The following MAP4K3 variants were observed in gnomAD, a reference collection of about 807,000 sequenced individuals.
MAP4K3 encodes mitogen-activated protein kinase kinase kinase kinase 3.
In MAP4K3, 94 loss-of-function variants were observed where a neutral mutation model predicts 143.5. That is an observed-to-expected ratio of 0.65 (90% CI 0.55 to 0.78). MAP4K3 has a LOEUF of 0.78. Ranked by LOEUF, MAP4K3 falls within the 30% of genes least tolerant of loss-of-function variation. MAP4K3 has a pLI of 0.00. For synonymous variants in MAP4K3, 416 were observed against 347.2 expected, an observed-to-expected ratio of 1.20 and a Z score of -2.20; for missense variants, 1,077 against 1,068.1, an observed-to-expected ratio of 1.01 and a Z score of -0.12.
intron 1 of MAP4K3, among the ~76,000 whole-genome samples, chr2:39,392,053 C>T (rs955667241): frequency 4.6e-5 from 7 of 151,670 alleles, no homozygotes; most frequent in Admixed American, 1.3e-4. Context: ...TGGTAGGTAG[C>T]GCGCGCCTGT....
chr2:39,360,643 TCA>T (rs1665741161), intron 2 of MAP4K3, among the ~76,000 whole-genome samples: 2 of 152,172 alleles, frequency 1.3e-5, no homozygotes, highest in Admixed American at 1.3e-4. Context: ...TTTAACTGAC[TCA>T]CAGTGTGGCA....
intron 1 of MAP4K3, among the ~76,000 whole-genome samples, chr2:39,406,261 C>T (rs1023228196): frequency 5.3e-5 from 8 of 151,932 alleles, no homozygotes; most frequent in Non-Finnish European, 1.2e-4. Context: ...AGGACAAATC[C>T]AAGACTTATT....
intron 12 of MAP4K3, 128 bp from the exon 13 acceptor site, chr2:39,315,516 A>G (rs530455055): frequency 6.2e-6 from 3 of 483,598 alleles, no homozygotes; most frequent in East Asian, 3.4e-5. Context: ...GCACTTTGCA[A>G]ATTTTTTTTT....
At chr2:39,431,759 C>T (rs985039774) in intron 1 of MAP4K3, among the ~76,000 whole-genome samples, 7 of 152,196 alleles carry the variant, frequency 4.6e-5, no homozygotes, top group African/African-American at 7.2e-5. Context: ...CAGCAATTAA[C>T]AATGACCACA....
intron 29 of MAP4K3, among the ~76,000 whole-genome samples, chr2:39,258,923 G>A (rs748230738): frequency 2.0e-5 from 3 of 152,098 alleles, no homozygotes; most frequent in Non-Finnish European, 4.4e-5. Context: ...CTATTAGTGG[G>A]AGATTTGTAA....
intron 3 of MAP4K3, among the ~76,000 whole-genome samples, chr2:39,350,457 G>T (rs1055672796): frequency 1.3e-5 from 2 of 152,178 alleles, no homozygotes; most frequent in African/African-American, 4.8e-5. Context: ...TCCTAAACTA[G>T]AAAGTTCCCT....
intron 1 of MAP4K3, among the ~76,000 whole-genome samples, chr2:39,395,592 G>A (rs991044985): frequency 7.9e-5 from 12 of 151,944 alleles, no homozygotes; most frequent in Admixed American, 7.9e-4. Context: ...TGTTCTTTTG[G>A]GATGAATGTA....
intron 20 of MAP4K3, among the ~76,000 whole-genome samples, chr2:39,287,541 G>A (rs1681849025): frequency 6.6e-6 from 1 of 152,050 alleles, no homozygotes; most frequent in Non-Finnish European, 1.5e-5. Flanking sequence ...GACCTCAGGT[G>A]ATCCACCTGC....
chr2:39,371,146 C>T (rs138763510), intron 2 of MAP4K3, among the ~76,000 whole-genome samples: 5 of 152,132 alleles, frequency 3.3e-5, no homozygotes, highest in East Asian at 3.9e-4. Flanking sequence ...GAAAACTACA[C>T]GCCAGAGAAA....
rs369457125 is a variant in MAP4K3 at position 39,288,095 on chromosome 2, T to C, written c.1474+26A>G. 6.8e-6 allele frequency: 11 copies of C among 1,612,196 alleles called. No homozygotes were observed. The African/African-American group carries it at 1.5e-4, about 22-fold the overall frequency. On this transcript the variant is annotated intron_variant, in intron 20 of 33. Transcript: ENST00000263881. The stretch of plus-strand genomic sequence containing the variant: ...CCCATAGTATGAAAACCTGGTAACA[T>C]ATTTGCTGTCACCCTCCACCATTAC...
chr2:39,356,020 G>C (rs1665601710), intron 3 of MAP4K3: 1 of 411,552 alleles, frequency 2.4e-6, no homozygotes, highest in Non-Finnish European at 4.3e-6. Flanking sequence ...GTTTTTACTT[G>C]CCAGCATTTT....
intron 21 of MAP4K3, among the ~76,000 whole-genome samples, chr2:39,284,877 A>T (rs1185764172): frequency 6.6e-6 from 1 of 151,332 alleles, no homozygotes; most frequent in East Asian, 1.9e-4. Flanking sequence ...AATAAAATAA[A>T]TTTATTATTT....
chr2:39,251,689 ACCT>A, intron 33 of MAP4K3, 138 bp downstream of exon 33: 1 of 658,428 alleles, frequency 1.5e-6, no homozygotes, highest in Non-Finnish European at 2.6e-6. Flanking sequence ...TAACTTTCTG[ACCT>A]GTGAATTCTT....
At chr2:39,351,999 G>C (rs57765159) in intron 3 of MAP4K3, among the ~76,000 whole-genome samples, 2,344 of 152,304 alleles carry the variant, frequency 0.015, 60 homozygotes, top group African/African-American at 0.053. Context: ...ATTCTAAATA[G>C]TTTTTACTGT....
chr2:39,301,396 G>C (rs536076299), intron 15 of MAP4K3, among the ~76,000 whole-genome samples: 1 of 152,318 alleles, frequency 6.6e-6, no homozygotes. Context: ...CACAGTTTAA[G>C]TGGTCATGAC....
At chr2:39,257,425 G>A (rs929088437) in intron 31 of MAP4K3, among the ~76,000 whole-genome samples, 25 of 152,148 alleles carry the variant, frequency 1.6e-4, no homozygotes, top group African/African-American at 6.0e-4. Flanking sequence ...GGTATACTGA[G>A]TACTAAATTT....
intron 1 of MAP4K3, among the ~76,000 whole-genome samples, chr2:39,432,672 T>A (rs1347968487): frequency 1.3e-5 from 2 of 152,222 alleles, no homozygotes; most frequent in African/African-American, 4.8e-5. Context: ...GAAGAATTAG[T>A]CTATGATGAT....
chr2:39,337,766 T>TG (rs1024400671), intron 4 of MAP4K3, among the ~76,000 whole-genome samples, 185 bp from the exon 5 acceptor site: 2 of 136,036 alleles, frequency 1.5e-5, no homozygotes, highest in Non-Finnish European at 3.2e-5. Flanking sequence ...TTTTTTTTTT[T>TG]TTTTTTTTTT....
chr2:39,326,220 A>G lies in MAP4K3; in HGVS notation c.588T>C (p.Asp196=). 6.2e-7 allele frequency: 1 copy of G among 1,613,996 alleles called. No individual in the cohort carries two copies. The highest frequency in any genetic ancestry group is 2.2e-5 in the East Asian group (1 of 44,868). ...ERKGGYNQLC[D]LWAVGITAIE... ...TGGCAGTGATTCCCACTGCCCAGAG[A>G]TCACAGAGTTGATTGTAACCCCCCT... Residue 196 remains aspartate (D), a synonymous_variant, in exon 9 of 34, where the codon GAT becomes GAC. Transcript: ENST00000263881.
Sources: allele counts gnomAD v4.1 joint callset (sites outside exome capture counted in the v4.1 genomes callset), GRCh38; gene constraint gnomAD v4.1.1; transcripts MANE v1.5; gene names NCBI Gene and HGNC (gene_info 2026-07-23, HGNC 2026-07-21).